Variants in ASB15 observed in about 807,000 individuals in gnomAD.
ASB15 encodes ankyrin repeat and SOCS box protein 15.
Under a neutral mutation model 58.0 loss-of-function variants are expected in ASB15, and 54 were observed. The ratio of observed to expected loss-of-function variants is 0.93; its 90% CI spans 0.75 to 1.17. The LOEUF is 1.17. Among genes scored for constraint, ASB15 ranks in the 50% most tolerant of loss-of-function variants. ASB15 has a pLI of 0.00. For missense variants in ASB15, 680 were observed against 707.4 expected (o/e 0.96, Z 0.44); for synonymous variants, 249 against 262.4 (o/e 0.95, Z 0.50).
Position 123,629,335 on chromosome 7 carries a change from C to T in ASB15, c.1341C>T (p.Asp447=). 6.2e-7 allele frequency: 1 copy of T among 1,614,044 alleles called. No individual in the cohort carries two copies. The highest frequency in any genetic ancestry group is 8.5e-7 in the Non-Finnish European group (1 of 1,179,952). ...NNGYQVEMCF[D]CMHGDIFGNS... is the part of the protein sequence containing the mutation. ...GCTATCAAGTGGAGATGTGCTTTGA[C>T]TGCATGCATGGTGACATCTTTGGAA... The change falls in exon 10 of 12, where the codon GAC becomes GAT. Residue 447 remains aspartate (D), a synonymous_variant. Coordinates refer to ENST00000451215, the MANE Select transcript of ASB15 (RefSeq NM_001290258.2).
chr7:123,600,482 A>C (rs546384115), upstream of ASB15, among the ~76,000 whole-genome samples: 4 of 152,330 alleles, frequency 2.6e-5, no homozygotes, highest in African/African-American at 9.6e-5. Flanking sequence ...AAAGCTTTAT[A>C]TGAATTTCTA....
intron 10 of ASB15, 83 bp downstream of exon 10, chr7:123,629,517 A>G (rs1282432757): frequency 7.9e-7 from 1 of 1,264,350 alleles, no homozygotes; most frequent in Non-Finnish European, 1.1e-6. Flanking sequence ...TTACAAGAAA[A>G]GAAAAATAAA....
intron 4 of ASB15, chr7:123,615,402 T>A (rs1800736828): frequency 6.6e-6 from 1 of 152,168 alleles, no homozygotes; most frequent in Admixed American, 6.5e-5. Flanking sequence ...GCTTTTGAGC[T>A]TTGAAAAAAT....
At chr7:123,569,187 T>G (rs565469176) in intron 1 of ASB15, among the ~76,000 whole-genome samples, 1 of 152,192 alleles carries the variant, frequency 6.6e-6, no homozygotes, top group Non-Finnish European at 1.5e-5. Context: ...AGTCATTTTG[T>G]CCGGTGGTCA....
chr7:123,598,819 C>T (rs766586411), upstream of ASB15: 3 of 152,156 alleles, frequency 2.0e-5, no homozygotes, highest in Non-Finnish European at 4.4e-5. Flanking sequence ...GGCTACATGG[C>T]AACTAAATGA....
intron 1 of ASB15, among the ~76,000 whole-genome samples, chr7:123,594,452 G>A (rs971431366): frequency 3.3e-5 from 5 of 152,094 alleles, no homozygotes; most frequent in South Asian, 4.1e-4. Context: ...GGTGACCTAC[G>A]TATGGGGTTT....
At chr7:123,602,195 T>C (rs1235332614) in intron 1 of ASB15, among the ~76,000 whole-genome samples, 2 of 152,106 alleles carry the variant, frequency 1.3e-5, no homozygotes, top group African/African-American at 2.4e-5. Context: ...TTATAGAACA[T>C]GTCAATATAT....
chr7:123,618,914 G>T (rs1256480655), intron 7 of ASB15, among the ~76,000 whole-genome samples: 1 of 152,034 alleles, frequency 6.6e-6, no homozygotes, highest in Non-Finnish European at 1.5e-5. Flanking sequence ...GGTGGCTCAT[G>T]CCTGTAATCC....
At chr7:123,570,435 G>A (rs1379213647) in intron 1 of ASB15, among the ~76,000 whole-genome samples, 1 of 151,944 alleles carries the variant, frequency 6.6e-6, no homozygotes, top group African/African-American at 2.4e-5. Context: ...GAGTGGCAGG[G>A]ACTGTTACTG....
chr7:123,611,835 T>C (rs1451764855), intron 3 of ASB15, among the ~76,000 whole-genome samples: 2 of 152,144 alleles, frequency 1.3e-5, no homozygotes, highest in Non-Finnish European at 2.9e-5. Flanking sequence ...CATCTCAAGC[T>C]TTCAGGAAAA....
chr7:123,578,761 T>C (rs1038569211), intron 1 of ASB15, among the ~76,000 whole-genome samples: 12 of 152,134 alleles, frequency 7.9e-5, no homozygotes, highest in Non-Finnish European at 1.6e-4. Context: ...CTTCCTCTTA[T>C]AGATTCAGGC....
intron 1 of ASB15, chr7:123,584,752 T>G (rs1799331468): frequency 6.6e-6 from 1 of 151,838 alleles, no homozygotes; most frequent in Non-Finnish European, 1.5e-5. Context: ...GAAATAAAAA[T>G]CACAAACTAT....
intron 5 of ASB15, 43 bp downstream of exon 5, chr7:123,616,316 C>T (rs779886209): frequency 7.6e-5 from 122 of 1,609,546 alleles, no homozygotes; most frequent in Non-Finnish European, 2.0e-5. Context: ...CTGGAGATTC[C>T]ACCTTGCAAA....
At chr7:123,602,945 C>G (rs1178321750) in intron 1 of ASB15, among the ~76,000 whole-genome samples, 1 of 152,128 alleles carries the variant, frequency 6.6e-6, no homozygotes, top group Non-Finnish European at 1.5e-5. Flanking sequence ...CCTAATGACT[C>G]TGTGCTTCAG....
chr7:123,594,901 A>T (rs1799651405), intron 1 of ASB15, among the ~76,000 whole-genome samples: 1 of 152,200 alleles, frequency 6.6e-6, no homozygotes. Context: ...AGGTGGAATC[A>T]AGAGAGGCAG....
chr7:123,568,723 A>T (rs1162556693), intron 1 of ASB15, among the ~76,000 whole-genome samples: 1 of 152,170 alleles, frequency 6.6e-6, no homozygotes, highest in East Asian at 1.9e-4. Context: ...ATTTTGTGGG[A>T]TTAAAATAAA....
At chr7:123,601,538 T>C (rs955080153), upstream of ASB15, among the ~76,000 whole-genome samples, 11 of 152,216 alleles carry the variant, frequency 7.2e-5, no homozygotes, top group African/African-American at 2.4e-4. Flanking sequence ...ATTTGTCTCT[T>C]GAACAAATAC....
At position 123,623,887 on chromosome 7, in the gene ASB15, G is replaced by GAAAAGAAAAC. The variant is rs539444999; in HGVS notation, c.452-680_452-679insAAGAAAACAA. Among the ~76,000 whole-genome samples the GAAAAGAAAAC allele has an allele frequency of 1.9e-5, 2 of 106,596 alleles. 1 individual carries two copies. The highest frequency in any genetic ancestry group is 7.2e-5 in the African/African-American group (2 of 27,858). 69.9% of individuals were successfully genotyped at this position (106,596 alleles called of 152,430 possible). On this transcript the variant is annotated intron_variant, in intron 7 of 11. Coordinates refer to ENST00000451215, the MANE Select transcript of ASB15 (RefSeq NM_001290258.2). ...TCAAAAAAAAAAAAAGAAAAGAAAA[G>GAAAAGAAAAC]AAGAAAGAAAGAATGGAAGGAAGGA...
intron 10 of ASB15, 118 bp from the exon 11 acceptor site, chr7:123,629,848 C>T (rs958936743): frequency 2.5e-6 from 2 of 787,406 alleles, no homozygotes; most frequent in African/African-American, 3.6e-5. Context: ...TTGTTCATTA[C>T]AAGGAGAGAT....
Sources: allele counts gnomAD v4.1 joint callset (sites outside exome capture counted in the v4.1 genomes callset), GRCh38; gene constraint gnomAD v4.1.1; transcripts MANE v1.5; gene names NCBI Gene and HGNC (gene_info 2026-07-23, HGNC 2026-07-21).